RGS7: variants seen among roughly 807,000 people sequenced by gnomAD.
The protein encoded by RGS7 is regulator of G-protein signaling 7.
In RGS7, 27 loss-of-function variants were observed where a neutral mutation model predicts 81.1. That is an observed-to-expected ratio of 0.33 (90% CI 0.25 to 0.46). The LOEUF (loss-of-function observed/expected upper bound fraction) is 0.46, where lower values mean the gene tolerates loss of function less well. Among genes scored for constraint, RGS7 ranks in the 20% least tolerant of loss-of-function variants. The pLI is 1.00. For synonymous variants in RGS7, 208 were observed against 207.7 expected, an observed-to-expected ratio of 1.00 and a Z score of -0.01; for missense variants, 396 against 607.4, an observed-to-expected ratio of 0.65 and a Z score of 3.66.
rs138506135 is a variant in RGS7 at position 241,018,650 on chromosome 1, C to T, written c.176-35521G>A. Among the ~76,000 whole-genome samples the T allele has an allele frequency of 1.7e-3, 257 of 151,994 alleles. 1 individual carries two copies. The highest frequency in any genetic ancestry group is 5.6e-3 in the African/African-American group (232 of 41,480). ...TTATTGGTGTGACGGTAAGGTGGAG[C>T]GGAGGTGGGGGGCATTCTATAAACT... On this transcript the variant is annotated intron_variant, in intron 3 of 18. Transcript: ENST00000440928.
At chr1:241,168,289 A>G (rs2070430792) in intron 2 of RGS7, among the ~76,000 whole-genome samples, 1 of 152,230 alleles carries the variant, frequency 6.6e-6, no homozygotes, top group South Asian at 2.1e-4. Flanking sequence ...TTTAGAGGTA[A>G]CATAGTATTT....
chr1:241,273,175 A>T (rs1468601045), intron 2 of RGS7, among the ~76,000 whole-genome samples: 8 of 105,102 alleles, frequency 7.6e-5, no homozygotes, highest in East Asian at 4.1e-4. Context: ...ATAATAATGA[A>T]CCCCCCCCCC....
intron 3 of RGS7, among the ~76,000 whole-genome samples, chr1:241,076,970 A>G (rs898085175): frequency 3.3e-5 from 5 of 152,228 alleles, no homozygotes; most frequent in Non-Finnish European, 7.3e-5. Flanking sequence ...TTAATTACAG[A>G]TGACAAGCTA....
In RGS7 at chr1:241,180,601, T is replaced by C. The variant is rs952929968; in HGVS notation, c.79-81839A>G. Among the ~76,000 whole-genome samples the C allele has an allele frequency of 2.6e-5, 4 of 152,206 alleles. No individual in the cohort carries two copies. In the South Asian group the frequency reaches 6.2e-4, roughly 24 times the overall value. ...GTGCATCTCTAGAGAACAGCTTCCATGTGGGACAGTGTTTCCAAACAGAGA... is the reference window on the plus strand; with the variant it reads ...GTGCATCTCTAGAGAACAGCTTCCACGTGGGACAGTGTTTCCAAACAGAGA... On this transcript the variant is annotated intron_variant, in intron 2 of 18. Transcript: ENST00000440928.
At chr1:241,278,782 C>T (rs531888269) in intron 2 of RGS7, among the ~76,000 whole-genome samples, 1 of 152,300 alleles carries the variant, frequency 6.6e-6, no homozygotes, top group East Asian at 1.9e-4. Context: ...CATCCTGACT[C>T]GGCATCTCTG....
intron 2 of RGS7, among the ~76,000 whole-genome samples, chr1:241,308,963 G>A (rs968060996): frequency 3.9e-5 from 6 of 152,262 alleles, no homozygotes; most frequent in African/African-American, 1.2e-4. Flanking sequence ...GATCAGCTAC[G>A]TGAGAGTGGT....
At chr1:241,252,240 C>T (rs781496220) in intron 2 of RGS7, among the ~76,000 whole-genome samples, 3 of 152,016 alleles carry the variant, frequency 2.0e-5, no homozygotes, top group Non-Finnish European at 2.9e-5. Flanking sequence ...GATGGGGTTT[C>T]GCCATGTTGA....
At chr1:240,846,760 A>G (rs1558345183) in intron 9 of RGS7, among the ~76,000 whole-genome samples, 1 of 152,148 alleles carries the variant, frequency 6.6e-6, no homozygotes, top group East Asian at 1.9e-4. Context: ...AGGATATACA[A>G]ACATGAGGTT....
chr1:240,958,788 T>C (rs1326986686), intron 4 of RGS7, among the ~76,000 whole-genome samples: 3 of 152,210 alleles, frequency 2.0e-5, no homozygotes, highest in African/African-American at 7.2e-5. Flanking sequence ...TTCTGTCCAA[T>C]TCCCTGGGTC....
At chr1:241,275,563 T>C (rs935050159) in intron 2 of RGS7, among the ~76,000 whole-genome samples, 3 of 152,128 alleles carry the variant, frequency 2.0e-5, no homozygotes, top group Non-Finnish European at 2.9e-5. Flanking sequence ...CTCTCTCTCA[T>C]AGCAATTAAG....
chr1:240,853,735 T>C (rs1316821291), intron 9 of RGS7, among the ~76,000 whole-genome samples: 1 of 151,548 alleles, frequency 6.6e-6, no homozygotes, highest in African/African-American at 2.4e-5. Flanking sequence ...ACCCCGTCTC[T>C]ACTAAAAATA....
At chr1:241,015,641 T>A (rs1267973541) in intron 3 of RGS7, among the ~76,000 whole-genome samples, 1 of 152,178 alleles carries the variant, frequency 6.6e-6, no homozygotes, top group Non-Finnish European at 1.5e-5. Flanking sequence ...CAACCTCAAT[T>A]TTGTATTCCA....
At chr1:240,809,664 G>A (rs1689502789) in intron 14 of RGS7, among the ~76,000 whole-genome samples, 1 of 152,092 alleles carries the variant, frequency 6.6e-6, no homozygotes, top group Non-Finnish European at 1.5e-5. Context: ...TTGTTTTGGT[G>A]GTTGGATGTG....
Position 241,119,879 on chromosome 1 carries a change from CTTGTCTTTCAGTTATTCTTTCAAGTAACA to C in RGS7, c.79-21146_79-21118del, listed in dbSNP as rs1356861542. Among the ~76,000 whole-genome samples, 1,129 of 152,240 alleles carry C rather than the reference CTTGTCTTTCAGTTATTCTTTCAAGTAACA, an allele frequency of 7.4e-3. 9 individuals carry two copies. The highest frequency in any genetic ancestry group is 0.026 in the African/African-American group (1,081 of 41,526). On this transcript the variant is annotated intron_variant, in intron 2 of 18. Coordinates refer to ENST00000440928, the MANE Select transcript of RGS7 (RefSeq NM_001364886.1). ...AATATTCATGTCTGAAACAGCAGAGCTTGTCTTTCAGTTATTCTTTCAAGTAACAATGACTAGCTCAGTTTGCAACTCAA... is the reference window on the plus strand; with the variant it reads ...AATATTCATGTCTGAAACAGCAGAGCATGACTAGCTCAGTTTGCAACTCAA...
At position 241,147,787 on chromosome 1, in the gene RGS7, TA is replaced by T. The variant is rs1558128719; in HGVS notation, c.79-49026del. Among the ~76,000 whole-genome samples, 405 of 106,634 alleles carry T rather than the reference TA, an allele frequency of 3.8e-3. 26 individuals are homozygous for T. In the East Asian group the frequency reaches 0.082, roughly 21 times the overall value. 70.0% of individuals were successfully genotyped at this position (106,634 alleles called of 152,430 possible). ...TCCCATCTAGATTAAGTTTTATATA[TA>T]TATATATATATATATATATATATAT... is the stretch of plus-strand genomic sequence containing the variant. On this transcript the variant is annotated intron_variant, in intron 2 of 18. Transcript: ENST00000440928.
intron 2 of RGS7, among the ~76,000 whole-genome samples, chr1:241,136,044 G>C (rs1352513766): frequency 6.6e-6 from 1 of 151,030 alleles, no homozygotes; most frequent in Non-Finnish European, 1.5e-5. Context: ...GACAATAAAA[G>C]ACAGTGTTAC....
chr1:240,993,950 T>C (rs1686898793), intron 3 of RGS7, among the ~76,000 whole-genome samples: 1 of 152,214 alleles, frequency 6.6e-6, no homozygotes. Context: ...CTCAGTTGAA[T>C]TGCTTTTCCA....
intron 2 of RGS7, among the ~76,000 whole-genome samples, chr1:241,272,263 G>C (rs1433612969): frequency 6.6e-6 from 1 of 151,990 alleles, no homozygotes; most frequent in Admixed American, 6.6e-5. Context: ...AAAGTGCTGG[G>C]ATTACAGGCG....
At chr1:240,774,751 G>A (rs778539016), downstream of RGS7, among the ~76,000 whole-genome samples, 31 of 152,090 alleles carry the variant, frequency 2.0e-4, no homozygotes, top group Non-Finnish European at 2.8e-4. Flanking sequence ...CTTAGTAAGC[G>A]TCACTAAATT....
Sources: allele counts gnomAD v4.1 joint callset (sites outside exome capture counted in the v4.1 genomes callset), GRCh38; gene constraint gnomAD v4.1.1; transcripts MANE v1.5; gene names NCBI Gene and HGNC (gene_info 2026-07-23, HGNC 2026-07-21).